The following DMD variants were observed in gnomAD, a reference collection of about 807,000 sequenced individuals.
DMD encodes mutant dystrophin.
In DMD, 63 loss-of-function variants were observed where a neutral mutation model predicts 330.1. The observed-to-expected ratio is 0.19, with a 90% CI of 0.16 to 0.24. DMD has a LOEUF of 0.24. Ranked by LOEUF, DMD falls within the 10% of genes least tolerant of loss-of-function variation. The pLI is 1.00. For synonymous variants in DMD, 1,223 were observed against 959.8 expected (o/e 1.27, Z -5.07); for missense variants, 3,344 against 2,684.1 (o/e 1.25, Z -5.43).
intron 8 of DMD, among the ~76,000 whole-genome samples, chrX:32,698,272 T>C (rs1287826158): frequency 2.7e-5 from 3 of 111,375 alleles, no homozygotes; most frequent in African/African-American, 9.8e-5. Flanking sequence ...CCAACATTTA[T>C]ATGGGATGGT....
At chrX:31,576,536 T>C (rs2076107603) in intron 55 of DMD, among the ~76,000 whole-genome samples, 1 of 110,486 alleles carries the variant, frequency 9.1e-6, no homozygotes, top group African/African-American at 3.3e-5. Flanking sequence ...AAACCATATA[T>C]GAAAAGTTTA....
intron 25 of DMD, among the ~76,000 whole-genome samples, chrX:32,455,185 G>A (rs537408127): frequency 6.6e-4 from 73 of 111,162 alleles, no homozygotes; most frequent in Non-Finnish European, 8.6e-4. Context: ...CATAGAAATA[G>A]TTATTCTTTG....
At chrX:33,012,885 A>G (rs1339181558) in intron 2 of DMD, among the ~76,000 whole-genome samples, 2 of 111,230 alleles carry the variant, frequency 1.8e-5, no homozygotes, top group Non-Finnish European at 3.8e-5. Flanking sequence ...GTTGAGGGGC[A>G]TTTGTATTAG....
intron 60 of DMD, among the ~76,000 whole-genome samples, chrX:31,393,426 G>A (rs184675862): frequency 9.9e-6 from 1 of 101,360 alleles, no homozygotes; most frequent in East Asian, 3.1e-4. Flanking sequence ...GCAGTGAGCC[G>A]AGATTGCGCC....
intron 55 of DMD, among the ~76,000 whole-genome samples, chrX:31,591,265 G>A (rs1353545352): frequency 9.0e-6 from 1 of 110,662 alleles, no homozygotes; most frequent in Non-Finnish European, 1.9e-5. Flanking sequence ...TATTTCTACT[G>A]GGCAGAGCTG....
At chrX:32,690,645 C>T (rs1209242121) in intron 9 of DMD, among the ~76,000 whole-genome samples, 1 of 105,886 alleles carries the variant, frequency 9.4e-6, no homozygotes, top group Non-Finnish European at 1.9e-5. Context: ...TGAAGACAGA[C>T]ATATAGACCA....
At chrX:31,449,309 G>A (rs1286109164) in intron 59 of DMD, among the ~76,000 whole-genome samples, 1 of 111,229 alleles carries the variant, frequency 9.0e-6, no homozygotes, top group Middle Eastern at 4.6e-3. Context: ...CTGTGAGAGG[G>A]AGTTGACCTA....
intron 71 of DMD, among the ~76,000 whole-genome samples, chrX:31,176,298 A>G: frequency 8.9e-6 from 1 of 111,775 alleles, no homozygotes; most frequent in East Asian, 2.8e-4. Context: ...GGTGTGTTTT[A>G]GTTGTTAGAA....
intron 1 of DMD, among the ~76,000 whole-genome samples, chrX:33,228,981 A>G (rs1172192023): frequency 9.0e-6 from 1 of 110,828 alleles, no homozygotes; most frequent in Non-Finnish European, 1.9e-5. Context: ...GATATTTAAT[A>G]TCTTTTCCAT....
At chrX:31,365,720 C>T (rs1233913636) in intron 60 of DMD, among the ~76,000 whole-genome samples, 1 of 112,556 alleles carries the variant, frequency 8.9e-6, no homozygotes, top group Admixed American at 9.3e-5. Flanking sequence ...AGGTACCTTA[C>T]ATTTTCTAAC....
At chrX:31,345,740 C>T (rs1248602809) in intron 61 of DMD, among the ~76,000 whole-genome samples, 1 of 111,409 alleles carries the variant, frequency 9.0e-6, no homozygotes, top group African/African-American at 3.3e-5. Flanking sequence ...TTTTCTAGAG[C>T]CGTTCCTAAA....
chrX:32,627,674 T>C (rs887167449), intron 11 of DMD, among the ~76,000 whole-genome samples: 1 of 110,669 alleles, frequency 9.0e-6, no homozygotes, highest in African/African-American at 3.3e-5. Context: ...AAAATTAACT[T>C]TTTAGAGATT....
chrX:31,250,987 C>T (rs2049295445), intron 63 of DMD, among the ~76,000 whole-genome samples: 1 of 109,071 alleles, frequency 9.2e-6, no homozygotes, highest in African/African-American at 3.3e-5. Context: ...GAGGCTGAGG[C>T]AGGAAAATCG....
rs1361636867 is a variant in DMD, at chrX:32,491,432, G to C, written c.2467C>G (p.Leu823Val). ...IEFCQLLSER[L>V]NWLEYQNNII... ...TTGTTCTGATACTCCAGCCAGTTAA[G>C]TCTCTCACTTAGCAACTGGCAGAAT... The change falls in exon 20 of 79, where the codon CTT becomes GTT. Residue 823 changes from leucine to valine, a missense_variant. By Grantham distance (32) the Leu-to-Val change is conservative. Transcript: ENST00000357033. The C allele has an allele frequency of 8.3e-7, 1 of 1,209,542 alleles. No homozygotes were observed. Among genetic ancestry groups the C allele is most frequent in the Non-Finnish European group, 1.1e-6 (1 of 894,904 alleles).
At chrX:33,043,291 C>CT (rs1349139018) in intron 1 of DMD, among the ~76,000 whole-genome samples, 8 of 111,206 alleles carry the variant, frequency 7.2e-5, no homozygotes, top group African/African-American at 2.3e-4. Context: ...AACAAAAAGG[C>CT]TTTTTTTAGT....
rs189661479 is a variant in DMD, at chrX:31,976,749, G to T, written c.6439-8235C>A. Among the ~76,000 whole-genome samples the T allele has an allele frequency of 1.6e-3, 184 of 111,684 alleles. 1 individual carries two copies. The highest frequency in any genetic ancestry group is 5.5e-3 in the African/African-American group (171 of 30,844). On this transcript the variant is annotated intron_variant, in intron 44 of 78. Coordinates refer to ENST00000357033, the MANE Select transcript of DMD (RefSeq NM_004006.3). ...TTTGAGAAAGTGTTGTGCTTTAAGA[G>T]AACAGAATTAAGCTTGTTCCTTAAT... is the stretch of plus-strand genomic sequence containing the variant.
chrX:32,856,481 T>TA (rs113019911), intron 2 of DMD, among the ~76,000 whole-genome samples: 9,990 of 108,740 alleles, frequency 0.092, 424 homozygotes, highest in Non-Finnish European at 0.13. Flanking sequence ...TACTCAGTCA[T>TA]AAAAAAAAAT....
intron 42 of DMD, among the ~76,000 whole-genome samples, chrX:32,305,447 C>A (rs1216704492): frequency 9.0e-6 from 1 of 111,090 alleles, no homozygotes; most frequent in South Asian, 3.7e-4. Flanking sequence ...CCAAGTCGGC[C>A]GAGAATGGGT....
chrX:32,458,293 C>T (rs1220366753), intron 25 of DMD, among the ~76,000 whole-genome samples: 1 of 111,419 alleles, frequency 9.0e-6, no homozygotes, highest in African/African-American at 3.3e-5. Context: ...ACTTAGCATA[C>T]TATCCTCCAA....
Sources: gnomAD v4.1 joint callset for allele counts (sites outside exome capture counted in the v4.1 genomes callset) on GRCh38, gnomAD v4.1.1 for gene constraint, MANE v1.5 for transcripts, NCBI Gene and HGNC (gene_info 2026-07-23, HGNC 2026-07-21) for gene names.